PPFIA2: variants seen among roughly 807,000 people sequenced by gnomAD.
PPFIA2 encodes the protein liprin-alpha-2.
In PPFIA2, 46 loss-of-function variants were observed where a neutral mutation model predicts 175.5. The ratio of observed to expected loss-of-function variants is 0.26; its 90% CI spans 0.21 to 0.34. The LOEUF is 0.34. Ranked by LOEUF, PPFIA2 falls within the 10% of genes least tolerant of loss-of-function variation. The pLI, the probability that PPFIA2 is intolerant of heterozygous loss-of-function variation, is 1.00. For missense variants in PPFIA2, 1,179 were observed against 1,506.1 expected (o/e 0.78, Z 3.60); for synonymous variants, 568 against 511.4 (o/e 1.11, Z -1.49).
intron 4 of PPFIA2, chr12:81,597,836 C>A: frequency 9.7e-7 from 1 of 1,032,144 alleles, no homozygotes; most frequent in Non-Finnish European, 1.4e-6. Flanking sequence ...TCATTCCATA[C>A]ATTTTCTTCA....
At chr12:81,551,355 T>C (rs959145255) in intron 4 of PPFIA2, among the ~76,000 whole-genome samples, 1 of 152,010 alleles carries the variant, frequency 6.6e-6, no homozygotes, top group Non-Finnish European at 1.5e-5. Context: ...ACTATCATTT[T>C]GAAAGGAAGC....
At chr12:81,397,547 T>C (rs534885425) in intron 8 of PPFIA2, among the ~76,000 whole-genome samples, 2 of 152,280 alleles carry the variant, frequency 1.3e-5, no homozygotes, top group African/African-American at 4.8e-5. Context: ...TAGTGATGAC[T>C]GTAGCAGGAG....
At chr12:81,564,096 C>T (rs1014976445) in intron 4 of PPFIA2, among the ~76,000 whole-genome samples, 2 of 152,150 alleles carry the variant, frequency 1.3e-5, no homozygotes, top group Non-Finnish European at 2.9e-5. Context: ...ACATCACACA[C>T]TCATTTTGCA....
intron 4 of PPFIA2, among the ~76,000 whole-genome samples, chr12:81,508,688 T>C (rs1167987751): frequency 1.3e-5 from 2 of 151,842 alleles, no homozygotes; most frequent in Non-Finnish European, 2.9e-5. Context: ...TATGTATACA[T>C]GTGCCTTGCT....
At chr12:81,633,353 T>G (rs1008971974) in intron 4 of PPFIA2, among the ~76,000 whole-genome samples, 3 of 151,828 alleles carry the variant, frequency 2.0e-5, no homozygotes, top group African/African-American at 7.3e-5. Context: ...CATGCTGGAG[T>G]CATGTGCTAG....
intron 4 of PPFIA2, among the ~76,000 whole-genome samples, chr12:81,530,115 C>A (rs150101481): frequency 6.6e-6 from 1 of 152,048 alleles, no homozygotes; most frequent in African/African-American, 2.4e-5. Context: ...TTTATTGGAA[C>A]ACAGCCATGA....
At chr12:81,517,099 C>T (rs1329076534) in intron 4 of PPFIA2, among the ~76,000 whole-genome samples, 2 of 146,384 alleles carry the variant, frequency 1.4e-5, no homozygotes, top group Non-Finnish European at 3.0e-5. Flanking sequence ...CTTAACCCCA[C>T]ATTGTAGCTT....
chr12:81,619,079 T>C (rs2153478169), intron 4 of PPFIA2, among the ~76,000 whole-genome samples: 1 of 152,346 alleles, frequency 6.6e-6, no homozygotes, highest in South Asian at 2.1e-4. Context: ...GTCTTTGGGT[T>C]AAATCATCAT....
chr12:81,314,550 C>T (rs1339498287), intron 22 of PPFIA2, among the ~76,000 whole-genome samples: 2 of 151,832 alleles, frequency 1.3e-5, no homozygotes, highest in Non-Finnish European at 3.0e-5. Context: ...AGCATATATT[C>T]AGTCAGGAGA....
intron 11 of PPFIA2, 42 bp from the exon 12 acceptor site, chr12:81,369,236 G>T: frequency 1.3e-6 from 2 of 1,588,476 alleles, no homozygotes; most frequent in South Asian, 2.3e-5. Context: ...TGTAAGATTT[G>T]GTTAACACTT....
intron 24 of PPFIA2, among the ~76,000 whole-genome samples, chr12:81,286,110 G>GA (rs2137258327): frequency 6.6e-6 from 1 of 152,032 alleles, no homozygotes; most frequent in South Asian, 2.1e-4. Flanking sequence ...TGAAATAGCA[G>GA]AAAGCTTATA....
intron 4 of PPFIA2, among the ~76,000 whole-genome samples, chr12:81,546,870 C>A (rs1343865114): frequency 6.6e-6 from 1 of 151,974 alleles, no homozygotes; most frequent in Non-Finnish European, 1.5e-5. Flanking sequence ...TAAGTCGCAG[C>A]AGTTGGGCCC....
In PPFIA2 at chr12:81,702,773, T is replaced by C. The variant is rs574934431; in HGVS notation, c.250-25929A>G. On this transcript the variant is annotated intron_variant, in intron 3 of 32. Transcript: ENST00000549396. ...TGCGATCATATTAGAAGACAGAGTG[T>C]TTTGGAGGTAATTAGGTTTAGATAT... 2.6e-4 allele frequency among the ~76,000 whole-genome samples: 40 copies of C among 152,236 alleles called. No homozygotes were observed. The South Asian group carries it at 7.7e-3, about 29-fold the overall frequency.
intron 4 of PPFIA2, among the ~76,000 whole-genome samples, chr12:81,660,976 A>C (rs559827124): frequency 1.2e-3 from 190 of 152,266 alleles, no homozygotes; most frequent in Non-Finnish European, 1.5e-3. Context: ...GAAATAAAAT[A>C]CTTTACAGAC....
intron 3 of PPFIA2, among the ~76,000 whole-genome samples, chr12:81,709,363 ATTTAT>A (rs2077596990): frequency 6.6e-6 from 1 of 151,968 alleles, no homozygotes; most frequent in East Asian, 1.9e-4. Flanking sequence ...TCAAATTTTG[ATTTAT>A]TTTGTTAATT....
intron 4 of PPFIA2, among the ~76,000 whole-genome samples, chr12:81,587,923 G>T (rs2075518336): frequency 1.3e-5 from 2 of 151,922 alleles, no homozygotes; most frequent in Non-Finnish European, 2.9e-5. Context: ...ATTTAAATAT[G>T]AATTCATTTA....
chr12:81,497,134 C>T (rs957582603), intron 4 of PPFIA2, among the ~76,000 whole-genome samples: 3 of 152,206 alleles, frequency 2.0e-5, no homozygotes, highest in African/African-American at 7.2e-5. Context: ...TGCTTGCCAG[C>T]AGTGCCACCT....
At chr12:81,469,512 G>C (rs565500303) in intron 4 of PPFIA2, among the ~76,000 whole-genome samples, 2 of 152,322 alleles carry the variant, frequency 1.3e-5, no homozygotes, top group Non-Finnish European at 2.9e-5. Flanking sequence ...AAATGAGTAA[G>C]AGCCAGGCAA....
chr12:81,529,184 T>G (rs2064139758), intron 4 of PPFIA2, among the ~76,000 whole-genome samples: 1 of 152,040 alleles, frequency 6.6e-6, no homozygotes, highest in Non-Finnish European at 1.5e-5. Context: ...AGAATTATTC[T>G]TATTTTAATG....
Sources: allele counts gnomAD v4.1 joint callset (sites outside exome capture counted in the v4.1 genomes callset), GRCh38; gene constraint gnomAD v4.1.1; transcripts MANE v1.5; gene names NCBI Gene and HGNC (gene_info 2026-07-23, HGNC 2026-07-21).